NR4A3: variants seen among roughly 807,000 people sequenced by gnomAD.
The protein encoded by NR4A3 is chondrosarcoma, extraskeletal myxoid, fused to EWS.
Under a neutral mutation model 55.6 loss-of-function variants are expected in NR4A3, and 13 were observed. The ratio of observed to expected loss-of-function variants is 0.23; its 90% CI spans 0.15 to 0.37. The LOEUF is 0.37. Ranked by LOEUF, NR4A3 falls within the 10% of genes least tolerant of loss-of-function variation. The pLI is 1.00. For missense variants in NR4A3, 646 were observed against 822.8 expected, an observed-to-expected ratio of 0.79 and a Z score of 2.63; for synonymous variants, 342 against 357.9, an observed-to-expected ratio of 0.96 and a Z score of 0.50.
intron 1 of NR4A3, among the ~76,000 whole-genome samples, chr9:99,824,647 C>T (rs900374877): frequency 6.6e-6 from 1 of 152,214 alleles, no homozygotes; most frequent in Non-Finnish European, 1.5e-5. Flanking sequence ...CGTGGCCCCG[C>T]GCACCTCGGA....
In NR4A3 at chr9:99,855,754, T is replaced by G. The variant is rs1827918640; in HGVS notation, c.1634-7866T>G. 2.0e-5 allele frequency among the ~76,000 whole-genome samples: 3 copies of G among 151,966 alleles called. No individual in the cohort carries two copies. The South Asian group carries it at 6.2e-4, about 31-fold the overall frequency. ...CCAGAGAAAGGGGTAGAGCTCCGAG[T>G]GGGGAGTCCTGTTTGTTTGTGTTTG... On this transcript the variant is annotated intron_variant, in intron 7 of 7. Coordinates refer to ENST00000395097, the MANE Select transcript of NR4A3 (RefSeq NM_006981.4).
At chr9:99,832,574 A>G in intron 3 of NR4A3, 115 bp from the exon 4 acceptor site, 1 of 855,094 alleles carries the variant, frequency 1.2e-6, no homozygotes, top group Non-Finnish European at 1.6e-6. Context: ...AATTAAATTT[A>G]TCGAATTATA....
chr9:99,855,491 G>A (rs1827913290), intron 7 of NR4A3, among the ~76,000 whole-genome samples: 1 of 152,164 alleles, frequency 6.6e-6, no homozygotes, highest in Non-Finnish European at 1.5e-5. Flanking sequence ...CATCAACTGT[G>A]CACCAGACAC....
intron 5 of NR4A3, among the ~76,000 whole-genome samples, chr9:99,842,927 T>A (rs1037856718): frequency 4.6e-5 from 7 of 152,208 alleles, no homozygotes; most frequent in Admixed American, 4.6e-4. Flanking sequence ...CCCATGAGGA[T>A]CAGTTCAGAA....
intron 6 of NR4A3, among the ~76,000 whole-genome samples, chr9:99,846,134 C>T (rs1194402531): frequency 6.6e-6 from 1 of 152,136 alleles, no homozygotes; most frequent in African/African-American, 2.4e-5. Flanking sequence ...CCAAGAAGCA[C>T]AAAGAGATAT....
In NR4A3 at chr9:99,864,199, C is replaced by G. The variant is rs1828055128; in HGVS notation, c.*332C>G. On this transcript the variant is annotated 3_prime_UTR_variant, in exon 8 of 8. Transcript: ENST00000395097. ...AGCAGGAAAAAAAAGGATAATATAACTGTTTTAAAACTCTTTCTGGGGAAT... is the reference window on the plus strand; with the variant it reads ...AGCAGGAAAAAAAAGGATAATATAAGTGTTTTAAAACTCTTTCTGGGGAAT... The G allele has an allele frequency of 3.5e-6, 1 of 285,926 alleles. No individual in the cohort carries two copies. The highest frequency in any genetic ancestry group is 4.6e-5 in the Admixed American group (1 of 21,702). The allele number at this position is 285,926 out of a possible 1,614,324, so 17.7% of individuals were successfully genotyped here.
At chr9:99,850,455 C>A (rs1827828227) in intron 7 of NR4A3, among the ~76,000 whole-genome samples, 1 of 152,148 alleles carries the variant, frequency 6.6e-6, no homozygotes, top group African/African-American at 2.4e-5. Context: ...CTGGGCAGTT[C>A]AGTGCAGAGA....
In NR4A3 at chr9:99,865,244, T is replaced by G. The variant is rs1232405746; in HGVS notation, c.*1377T>G. ...AGCTCCTGGAAGCTGAGTTACAGAG[T>G]AATTAAATGGGGTGTTCACAGTGAC... On this transcript the variant is annotated 3_prime_UTR_variant, in exon 8 of 8. Coordinates refer to ENST00000395097, the MANE Select transcript of NR4A3 (RefSeq NM_006981.4). The surrounding 1 kb of genome is among the most constrained non-coding windows in gnomAD (Gnocchi z 4.3). The G allele has an allele frequency of 5.6e-6, 1 of 179,780 alleles. No homozygotes were observed. Among genetic ancestry groups the G allele is most frequent in the Non-Finnish European group, 1.2e-5 (1 of 83,948 alleles). The allele number at this position is 179,780 out of a possible 1,614,324, so 11.1% of individuals were successfully genotyped here.
intron 1 of NR4A3, among the ~76,000 whole-genome samples, chr9:99,823,435 A>G (rs1233359573): frequency 6.6e-6 from 1 of 151,984 alleles, no homozygotes; most frequent in Non-Finnish European, 1.5e-5. Flanking sequence ...GATTCTCCAG[A>G]GGGAAGAGCT....
chr9:99,850,228 G>C (rs1381914077), intron 7 of NR4A3, among the ~76,000 whole-genome samples: 10 of 152,172 alleles, frequency 6.6e-5, no homozygotes, highest in Non-Finnish European at 1.0e-4. Flanking sequence ...GGTCAGGTTT[G>C]CGTTTTAGAA....
intron 7 of NR4A3, among the ~76,000 whole-genome samples, chr9:99,860,813 A>G (rs1827997270): frequency 6.6e-6 from 1 of 152,254 alleles, no homozygotes; most frequent in African/African-American, 2.4e-5. Context: ...GCCCACTGGC[A>G]AGCATTGTCT....
intron 7 of NR4A3, among the ~76,000 whole-genome samples, chr9:99,857,428 T>A (rs1169063749): frequency 6.6e-6 from 1 of 152,144 alleles, no homozygotes; most frequent in Non-Finnish European, 1.5e-5. Flanking sequence ...TAACAACCCA[T>A]AAGGCAGCTA....
chr9:99,844,631 C>A lies in NR4A3; in HGVS notation c.1255-18C>A, dbSNP rs1827720943. 1.2e-6 allele frequency: 2 copies of A among 1,611,320 alleles called. No individual in the cohort carries two copies. The highest frequency in any genetic ancestry group is 2.2e-5 in the South Asian group (2 of 91,014). ...CACTGAAGCAGGATAATGCTGCTCT[C>A]TCTGGTTTGCATTCTAGTACTGTCC... is the stretch of plus-strand genomic sequence containing the variant. On this transcript the variant is annotated intron_variant, in intron 5 of 7. Coordinates refer to ENST00000395097, the MANE Select transcript of NR4A3 (RefSeq NM_006981.4).
At chr9:99,845,326 CCCCAGTTTTATT>C (rs925901943) in intron 6 of NR4A3, among the ~76,000 whole-genome samples, 1 of 152,130 alleles carries the variant, frequency 6.6e-6, no homozygotes, top group Non-Finnish European at 1.5e-5. Context: ...CCTTCTCAAC[CCCCAGTTTTATT>C]CCAAGAGAAC....
intron 5 of NR4A3, among the ~76,000 whole-genome samples, chr9:99,837,668 T>A (rs1827583671): frequency 6.6e-6 from 1 of 152,188 alleles, no homozygotes; most frequent in South Asian, 2.1e-4. Flanking sequence ...ATCCCACTCC[T>A]TAGCCGTGTT....
In NR4A3 at chr9:99,828,834, C is replaced by A; in HGVS notation, c.792C>A (p.Ser264=). The A allele has an allele frequency of 6.7e-7, 1 of 1,492,744 alleles. No homozygotes were observed. Among genetic ancestry groups the A allele is most frequent in the Non-Finnish European group, 8.9e-7 (1 of 1,126,078 alleles). 92.5% of individuals were successfully genotyped at this position (1,492,744 alleles called of 1,614,324 possible). A position where few individuals can be genotyped will look rare whatever the true frequency, so the allele number is the denominator to read the frequency against. ...LAFPPLGLTP[S]PTASSLLGES... is the part of the protein sequence containing the mutation. ...TCCCGCCTCTCGGCCTCACGCCCTC[C>A]CCTACCGCGTCCAGCCTGCTGGGCG... Residue 264 remains serine, a synonymous_variant, in exon 3 of 8, where the codon TCC becomes TCA. Transcript: ENST00000395097. This position sits in a 1 kb window ranked among gnomAD's most constrained non-coding sequence, Gnocchi z 7.7.
chr9:99,861,665 A>G (rs1485047513), intron 7 of NR4A3, among the ~76,000 whole-genome samples: 2 of 152,226 alleles, frequency 1.3e-5, no homozygotes, highest in Non-Finnish European at 2.9e-5. Context: ...CAAACTGAGG[A>G]TAATGCAAAT....
In NR4A3 at chr9:99,828,548, C is replaced by T. The variant is rs1228914717; in HGVS notation, c.506C>T (p.Pro169Leu). The T allele has an allele frequency of 3.3e-6, 5 of 1,532,922 alleles. No homozygotes were observed. Among genetic ancestry groups the T allele is most frequent in the Non-Finnish European group, 3.5e-6 (4 of 1,146,230 alleles). The allele number at this position is 1,532,922 out of a possible 1,614,324, so 95.0% of individuals were successfully genotyped here. ...CCCTCGGCGCCCGGCTGCATCGCAC[C>T]CGGCCCGCTGCTGGACCCGCCGATG... ...ALPSAPGCIA[P>L]GPLLDPPMKA... is the part of the protein sequence containing the mutation. The change falls in exon 3 of 8, where the codon CCC becomes CTC. Residue 169 changes from proline to leucine, a missense_variant. Physicochemically the swap from Pro to Leu is moderately conservative, Grantham distance 98 (BLOSUM62 -3). This residue lies in a region of NR4A3 where 426 missense variants were observed against 429.4 expected (regional missense o/e 0.99). Transcript: ENST00000395097. The surrounding 1 kb of genome is among the most constrained non-coding windows in gnomAD (Gnocchi z 7.7).
chr9:99,856,725 C>G (rs1038992967), intron 7 of NR4A3, among the ~76,000 whole-genome samples: 2 of 152,196 alleles, frequency 1.3e-5, no homozygotes, highest in African/African-American at 4.8e-5. Context: ...TAGAGCAGAG[C>G]TTCTCCAGCA....
Sources: gnomAD v4.1 joint callset for allele counts (sites outside exome capture counted in the v4.1 genomes callset) on GRCh38, gnomAD v4.1.1 for gene constraint, gnomAD v4.1.1 regional missense constraint, Gnocchi (gnomAD v3.1) non-coding constraint, MANE v1.5 for transcripts, NCBI Gene and HGNC (gene_info 2026-07-23, HGNC 2026-07-21) for gene names.